Variants in SCML4 observed in about 807,000 individuals in gnomAD.
SCML4 encodes the protein Scm polycomb group protein like 4, also known as sex comb on midleg-like protein 4.
SCML4 carries 34 observed loss-of-function variants against 41.1 expected under a neutral mutation model. The observed-to-expected ratio is 0.83, with a 90% CI of 0.63 to 1.10. The LOEUF (loss-of-function observed/expected upper bound fraction) is 1.10, where lower values mean the gene tolerates loss of function less well. Ranked by LOEUF, SCML4 falls within the 50% of genes least tolerant of loss-of-function variation. The probability of loss-of-function intolerance (pLI) is 0.00; values close to 1 mark genes in which losing one functional copy is unlikely to be tolerated. For missense variants in SCML4, 522 were observed against 534.1 expected (o/e 0.98, Z 0.22); for synonymous variants, 214 against 220.9 (o/e 0.97, Z 0.28).
intron 2 of SCML4, among the ~76,000 whole-genome samples, chr6:107,759,766 T>A (rs1449043177): frequency 2.6e-5 from 4 of 152,154 alleles, no homozygotes; most frequent in Non-Finnish European, 4.4e-5. Context: ...ACCTTCAGAA[T>A]GAGACAGCAA....
intron 1 of SCML4, among the ~76,000 whole-genome samples, chr6:107,774,509 T>C (rs1382526766): frequency 6.6e-6 from 1 of 152,222 alleles, no homozygotes; most frequent in Non-Finnish European, 1.5e-5. Context: ...CCACCAAATT[T>C]ATTTAATAAG....
intron 2 of SCML4, among the ~76,000 whole-genome samples, chr6:107,771,287 T>C (rs986595249): frequency 2.0e-4 from 30 of 152,340 alleles, no homozygotes; most frequent in African/African-American, 6.5e-4. Flanking sequence ...TGGGAGTTAA[T>C]TGCCAATTTG....
chr6:107,764,125 T>C (rs1464607457), intron 2 of SCML4, among the ~76,000 whole-genome samples: 1 of 152,258 alleles, frequency 6.6e-6, no homozygotes, highest in Non-Finnish European at 1.5e-5. Context: ...ACTTGCCTGC[T>C]GGAAATGCAA....
chr6:107,728,018 C>T (rs1053786523), intron 5 of SCML4, among the ~76,000 whole-genome samples: 2 of 152,118 alleles, frequency 1.3e-5, no homozygotes, highest in Non-Finnish European at 2.9e-5. Flanking sequence ...AGCTGTAAGG[C>T]TGCCGTTACA....
Position 107,707,907 on chromosome 6 carries a change from G to A in SCML4, c.1078C>T (p.Pro360Ser), listed in dbSNP as rs1232409188. The stretch of plus-strand genomic sequence containing the variant: ...TCCACGTGAGGCCCCAGAGCCTGTG[G>A]GTCGGCGTCCTTCACAAACCACACC... Reference protein sequence around the residue: ...DVVWFVKDADPQALGPHVELF... With the variant: ...DVVWFVKDADSQALGPHVELF... The change falls in exon 7 of 8, where the codon CCA becomes TCA. Residue 360 changes from proline (P) to serine (S), a missense_variant. Pro to Ser is a moderately conservative substitution (Grantham distance 74). Transcript: ENST00000369020. 7 of 1,551,708 alleles carry A rather than the reference G, an allele frequency of 4.5e-6. No individual in the cohort carries two copies. Among genetic ancestry groups the A allele is most frequent in the Non-Finnish European group, 6.1e-6 (7 of 1,147,000 alleles).
At chr6:107,771,267 C>T (rs1245181613) in intron 2 of SCML4, among the ~76,000 whole-genome samples, 1 of 152,156 alleles carries the variant, frequency 6.6e-6, no homozygotes, top group Admixed American at 6.5e-5. Flanking sequence ...CATATATTTT[C>T]CTAAATATAT....
At chr6:107,829,886 TAA>T in the SCML4 span, among the ~76,000 whole-genome samples, 2 of 152,216 alleles carry the variant, frequency 1.3e-5, no homozygotes, top group African/African-American at 4.8e-5. Flanking sequence ...TCATAAATGT[TAA>T]GTCTCAAATT....
chr6:107,833,558 T>A, the SCML4 span, among the ~76,000 whole-genome samples: 1 of 152,066 alleles, frequency 6.6e-6, no homozygotes, highest in Non-Finnish European at 1.5e-5. Flanking sequence ...TGGGAATGGA[T>A]CCTTGGACTG....
chr6:107,835,923 A>T, the SCML4 span, among the ~76,000 whole-genome samples: 96,658 of 151,968 alleles, frequency 0.64, 32,980 homozygotes, highest in South Asian at 0.82. Context: ...GGACCTACTA[A>T]GGTGTCCACA....
upstream of SCML4, among the ~76,000 whole-genome samples, chr6:107,825,956 A>G (rs1335340776): frequency 6.7e-6 from 1 of 149,096 alleles, no homozygotes; most frequent in African/African-American, 2.5e-5. Context: ...AAAAAAAAAA[A>G]GAAAATAAGA....
chr6:107,802,970 T>C lies in SCML4; in HGVS notation c.-60+21156A>G, dbSNP rs1783335539. 3.3e-5 allele frequency among the ~76,000 whole-genome samples: 5 copies of C among 151,752 alleles called. No homozygotes were observed. In the South Asian group the frequency reaches 8.3e-4, roughly 25 times the overall value. On this transcript the variant is annotated intron_variant, in intron 1 of 7. Transcript: ENST00000369020. ...TGTGTTGGCCGGGCTGGTCTCCAGCTCCTAACCGCGAGTGATCCGCCAGCC... is the reference window on the plus strand; with the variant it reads ...TGTGTTGGCCGGGCTGGTCTCCAGCCCCTAACCGCGAGTGATCCGCCAGCC...
intron 2 of SCML4, among the ~76,000 whole-genome samples, chr6:107,770,402 G>A (rs1213280878): frequency 6.6e-6 from 1 of 152,160 alleles, no homozygotes; most frequent in Non-Finnish European, 1.5e-5. Flanking sequence ...ACTTCACACA[G>A]AATGGCACCC....
chr6:107,776,888 G>A (rs776869757), intron 1 of SCML4, among the ~76,000 whole-genome samples: 16 of 152,170 alleles, frequency 1.1e-4, no homozygotes, highest in Non-Finnish European at 2.1e-4. Flanking sequence ...ATATTTGTAT[G>A]TATATATGTA....
At chr6:107,741,446 T>C (rs1777590382) in intron 5 of SCML4, among the ~76,000 whole-genome samples, 1 of 152,146 alleles carries the variant, frequency 6.6e-6, no homozygotes, top group Non-Finnish European at 1.5e-5. Flanking sequence ...CCTTAATCCA[T>C]AGGAAGCATT....
At chr6:107,809,476 G>A (rs1783996918) in intron 1 of SCML4, among the ~76,000 whole-genome samples, 1 of 152,244 alleles carries the variant, frequency 6.6e-6, no homozygotes, top group Non-Finnish European at 1.5e-5. Context: ...GGGTGCTAAT[G>A]AGAGTCTGAG....
rs560261087 is a variant in SCML4 at position 107,763,687 on chromosome 6, G to A, written c.156+8485C>T. 4.6e-5 allele frequency among the ~76,000 whole-genome samples: 7 copies of A among 152,150 alleles called. No individual in the cohort carries two copies. In the South Asian group the frequency reaches 1.0e-3, roughly 23 times the overall value. ...CAGGTGTGAGCCACTGCGCCTGGCC[G>A]GGATTAGTGTTCTTAAAAGAAGAGG... On this transcript the variant is annotated intron_variant, in intron 2 of 7. Transcript: ENST00000369020.
chr6:107,753,933 G>T (rs191655588), intron 2 of SCML4, among the ~76,000 whole-genome samples: 60 of 152,344 alleles, frequency 3.9e-4, no homozygotes, highest in African/African-American at 1.4e-3. Flanking sequence ...GGATGTGGAG[G>T]TGGGAGCTTG....
intron 1 of SCML4, among the ~76,000 whole-genome samples, chr6:107,805,157 G>T (rs1188295670): frequency 6.6e-6 from 1 of 152,222 alleles, no homozygotes; most frequent in Non-Finnish European, 1.5e-5. Context: ...GTACTGGAGA[G>T]TTAGGGGTGT....
intron 5 of SCML4, 71 bp from the exon 6 acceptor site, chr6:107,721,064 T>C: frequency 6.7e-7 from 1 of 1,502,758 alleles, no homozygotes. Flanking sequence ...CCCTCCGTCT[T>C]GGCAAACCCT....
Sources: gnomAD v4.1 joint callset for allele counts (sites outside exome capture counted in the v4.1 genomes callset) on GRCh38, gnomAD v4.1.1 for gene constraint, MANE v1.5 for transcripts, NCBI Gene and HGNC (gene_info 2026-07-23, HGNC 2026-07-21) for gene names.